PTDSS1: variants seen among roughly 807,000 people sequenced by gnomAD.
PTDSS1 encodes the protein PSS-1.
PTDSS1 carries 45 observed loss-of-function variants against 70.5 expected under a neutral mutation model. The ratio of observed to expected loss-of-function variants is 0.64; its 90% CI spans 0.50 to 0.82. PTDSS1 has a LOEUF of 0.82. Ranked by LOEUF, PTDSS1 falls within the 40% of genes least tolerant of loss-of-function variation. The pLI, the probability that PTDSS1 is intolerant of heterozygous loss-of-function variation, is 0.00. For missense variants in PTDSS1, 417 were observed against 586.1 expected (o/e 0.71, Z 2.98); for synonymous variants, 188 against 203.8 (o/e 0.92, Z 0.66).
intron 1 of PTDSS1, among the ~76,000 whole-genome samples, chr8:96,270,641 C>T (rs549469626): frequency 1.3e-4 from 20 of 152,322 alleles, no homozygotes; most frequent in Non-Finnish European, 1.9e-4. Context: ...AACTCACTCT[C>T]CTATCCCCTA....
chr8:96,321,542 A>G (rs866339916), intron 10 of PTDSS1, among the ~76,000 whole-genome samples: 17 of 152,172 alleles, frequency 1.1e-4, no homozygotes, highest in African/African-American at 2.4e-4. Context: ...CTTTTGTCCT[A>G]TAGATTTTCC....
intron 9 of PTDSS1, among the ~76,000 whole-genome samples, chr8:96,316,544 A>G (rs998190543): frequency 2.0e-5 from 3 of 152,282 alleles, no homozygotes; most frequent in South Asian, 2.1e-4. Flanking sequence ...AGTAATAGAC[A>G]CTGCTGACTA....
At chr8:96,281,720 T>C (rs1412029996) in intron 2 of PTDSS1, among the ~76,000 whole-genome samples, 1 of 152,300 alleles carries the variant, frequency 6.6e-6, no homozygotes, top group African/African-American at 2.4e-5. Flanking sequence ...TTCCTCTTCC[T>C]GAGCTGACCC....
intron 3 of PTDSS1, among the ~76,000 whole-genome samples, chr8:96,285,717 GA>G (rs1483791378): frequency 6.6e-6 from 1 of 152,048 alleles, no homozygotes; most frequent in Non-Finnish European, 1.5e-5. Context: ...TGCATCCATG[GA>G]CATTGACCAT....
At position 96,273,329 on chromosome 8, in the gene PTDSS1, G is replaced by T; in HGVS notation, c.210G>T (p.Trp70Cys). ...RDDSVPEDNIWRGILSVIFFF... is the reference protein window; with the variant it reads ...RDDSVPEDNICRGILSVIFFF... ...ACTCTGTTCCAGAAGACAACATCTG[G>T]AGAGGCATCCTCTCTGTTATTTTCT... is the stretch of plus-strand genomic sequence containing the variant. The change falls in exon 2 of 13, where the codon TGG (tryptophan) becomes TGT (cysteine). Residue 70 changes from tryptophan to cysteine, a missense_variant. Trp to Cys is a radical substitution (Grantham distance 215). This residue lies in a region of PTDSS1 where 272 missense variants were observed against 429.5 expected (regional missense o/e 0.63). Transcript: ENST00000517309. 1 of 1,611,864 alleles carries T rather than the reference G, an allele frequency of 6.2e-7. No individual in the cohort carries two copies. The highest frequency in any genetic ancestry group is 8.5e-7 in the Non-Finnish European group (1 of 1,179,266).
At chr8:96,305,970 C>T (rs1047451939) in intron 7 of PTDSS1, among the ~76,000 whole-genome samples, 1 of 152,162 alleles carries the variant, frequency 6.6e-6, no homozygotes, top group African/African-American at 2.4e-5. Context: ...CATGAGCCAC[C>T]GTGCATGGCC....
In PTDSS1 at chr8:96,304,030, C is replaced by T; in HGVS notation, c.753-10C>T. ...TCTGGATTTTCACTGGAGCCATTCT[C>T]TTCTTACAGGGACATTCATACCACC... On this transcript the variant is annotated splice_polypyrimidine_tract_variant and intron_variant, in intron 6 of 12. Coordinates refer to ENST00000517309, the MANE Select transcript of PTDSS1 (RefSeq NM_014754.3). 1.2e-6 allele frequency: 2 copies of T among 1,601,042 alleles called. No individual in the cohort carries two copies. Among genetic ancestry groups the T allele is most frequent in the Non-Finnish European group, 1.7e-6 (2 of 1,176,206 alleles).
intron 4 of PTDSS1, among the ~76,000 whole-genome samples, chr8:96,293,932 G>A (rs561952744): frequency 1.1e-4 from 16 of 152,322 alleles, no homozygotes; most frequent in Middle Eastern, 6.8e-3. Flanking sequence ...GTCAGCCTGT[G>A]ATTCTCTGTG....
At chr8:96,322,112 C>G (rs1376061606) in intron 10 of PTDSS1, among the ~76,000 whole-genome samples, 2 of 152,120 alleles carry the variant, frequency 1.3e-5, no homozygotes, top group African/African-American at 2.4e-5. Flanking sequence ...ACTCCCAGGA[C>G]AAGACAGACA....
chr8:96,273,203 C>T (rs1320986739), intron 1 of PTDSS1, 96 bp from the exon 2 acceptor site: 3 of 766,788 alleles, frequency 3.9e-6, no homozygotes, highest in African/African-American at 3.5e-5. Flanking sequence ...ATACATCTGG[C>T]AGTCCCCCAG....
chr8:96,317,071 G>GTGTGTA (rs33916906), intron 9 of PTDSS1, among the ~76,000 whole-genome samples: 20 of 148,578 alleles, frequency 1.3e-4, no homozygotes, highest in Admixed American at 2.7e-4. Context: ...GTGTGTGTGT[G>GTGTGTA]TATATATATA....
Position 96,278,972 on chromosome 8 carries a change from C to CCCTT in PTDSS1, c.272-5137_272-5136insCCTT, listed in dbSNP as rs1554582702. 4.3e-3 allele frequency among the ~76,000 whole-genome samples: 523 copies of CCCTT among 122,642 alleles called. 10 individuals carry two copies. The highest frequency in any genetic ancestry group is 0.016 in the African/African-American group (495 of 30,918). The allele number at this position is 122,642 out of a possible 152,430, so 80.5% of individuals were successfully genotyped here. ...GCAAGAGAAACACCATTCAGCCCCC[C>CCCTT]TTTTTTTTTTTTTTTTTTTGAGACA... On this transcript the variant is annotated intron_variant, in intron 2 of 12. Transcript: ENST00000517309.
intron 4 of PTDSS1, 127 bp from the exon 5 acceptor site, chr8:96,294,971 C>T (rs1378231077): frequency 2.4e-6 from 2 of 849,338 alleles, no homozygotes; most frequent in African/African-American, 1.8e-5. Flanking sequence ...AAAACTTTCT[C>T]ATTTGTTACT....
At position 96,296,402 on chromosome 8, in the gene PTDSS1, T is replaced by C. The variant is rs1352961059; in HGVS notation, c.600+1146T>C. ...ATCTGCCCACCTCAGCCTCCCAAAG[T>C]GCTGGGATTACAGGCGTGAGCCACT... On this transcript the variant is annotated intron_variant, in intron 5 of 12. Transcript: ENST00000517309. 3.3e-5 allele frequency among the ~76,000 whole-genome samples: 5 copies of C among 152,134 alleles called. No homozygotes were observed. The East Asian group carries it at 9.7e-4, about 29-fold the overall frequency.
chr8:96,289,507 G>A (rs1049473769), intron 4 of PTDSS1, among the ~76,000 whole-genome samples: 1 of 152,190 alleles, frequency 6.6e-6, no homozygotes, highest in African/African-American at 2.4e-5. Context: ...AGGGTTTCCG[G>A]AGCTCTGGGC....
chr8:96,286,987 T>G (rs765589270), intron 3 of PTDSS1, 35 bp from the exon 4 acceptor site: 26 of 1,612,186 alleles, frequency 1.6e-5, no homozygotes, highest in Non-Finnish European at 2.1e-5. Context: ...CTATTGGATC[T>G]CTTCTAAACT....
chr8:96,309,500 G>C, intron 8 of PTDSS1, 57 bp from the exon 9 acceptor site: 1 of 1,489,428 alleles, frequency 6.7e-7, no homozygotes, highest in East Asian at 2.3e-5. Flanking sequence ...ATTTAATTAT[G>C]TGCTGACTTG....
chr8:96,319,593 G>A (rs1033260902), intron 9 of PTDSS1, among the ~76,000 whole-genome samples: 1 of 152,052 alleles, frequency 6.6e-6, no homozygotes, highest in Non-Finnish European at 1.5e-5. Context: ...TATTTCATCT[G>A]GAAATTCTTA....
chr8:96,301,862 G>C (rs1811055837), intron 6 of PTDSS1, among the ~76,000 whole-genome samples: 1 of 152,050 alleles, frequency 6.6e-6, no homozygotes, highest in South Asian at 2.1e-4. Flanking sequence ...TATTTAATCT[G>C]TCTCAAATTT....
Sources: gnomAD v4.1 joint callset for allele counts (sites outside exome capture counted in the v4.1 genomes callset) on GRCh38, gnomAD v4.1.1 for gene constraint, gnomAD v4.1.1 regional missense constraint, MANE v1.5 for transcripts, NCBI Gene and HGNC (gene_info 2026-07-23, HGNC 2026-07-21) for gene names.